The following SV2B variants were observed in gnomAD, a reference collection of about 807,000 sequenced individuals.
SV2B encodes the protein synaptic vesicle glycoprotein 2B.
A neutral mutation model predicts 73.9 loss-of-function variants in SV2B; 41 were observed. The ratio of observed to expected loss-of-function variants is 0.56; its 90% confidence interval spans 0.43 to 0.72. The LOEUF is 0.72. SV2B is among the 30% of genes least tolerant of loss of function. The probability of loss-of-function intolerance (pLI) is 0.00; values close to 1 mark genes in which losing one functional copy is unlikely to be tolerated. For missense variants in SV2B, 764 were observed against 857.8 expected (o/e 0.89, Z 1.37); for synonymous variants, 314 against 314.2 (o/e 1.00, Z 0.01).
In SV2B at chr15:91,234,880, C is replaced by T. The variant is rs1005430049; in HGVS notation, c.451+8166C>T. On this transcript the variant is annotated intron_variant, in intron 2 of 12. Transcript: ENST00000394232. This position sits in a 1 kb window ranked among gnomAD's most constrained non-coding sequence, Gnocchi z 5.6. ...GTCAGACCTTTTGAAGATACTTGCT[C>T]TGAACTGACACTAATTCCAAGAGAC... Among the ~76,000 whole-genome samples the T allele has an allele frequency of 1.3e-5, 2 of 152,206 alleles. No individual in the cohort carries two copies. The highest frequency in any genetic ancestry group is 2.9e-5 in the Non-Finnish European group (2 of 68,034).
chr15:91,253,560 A>C lies in SV2B; in HGVS notation c.784+1040A>C, dbSNP rs1045231020. Among the ~76,000 whole-genome samples the C allele has an allele frequency of 6.6e-6, 1 of 152,238 alleles. No homozygotes were observed. Among genetic ancestry groups the C allele is most frequent in the African/African-American group, 2.4e-5 (1 of 41,458 alleles). On this transcript the variant is annotated intron_variant, in intron 4 of 12. Transcript: ENST00000394232. The surrounding 1 kb of genome is among the most constrained non-coding windows in gnomAD (Gnocchi z 5.0). ...AATCTCAGTGTTTTAACACAGTGAA[A>C]GCTTCTCCCTTATGTGAGGTCCGGC...
chr15:91,264,856 C>T (rs2048046456), intron 6 of SV2B, among the ~76,000 whole-genome samples: 2 of 152,082 alleles, frequency 1.3e-5, no homozygotes, highest in South Asian at 4.1e-4. Flanking sequence ...GGTCTTATCC[C>T]AGCATGCGTG....
chr15:91,201,834 T>C (rs573912414), intron 1 of SV2B, among the ~76,000 whole-genome samples: 1 of 152,310 alleles, frequency 6.6e-6, no homozygotes, highest in South Asian at 2.1e-4. Context: ...CTGCCATGTA[T>C]GGCCTGGGTT....
intron 2 of SV2B, among the ~76,000 whole-genome samples, 160 bp from the exon 3 acceptor site, chr15:91,251,659 G>C (rs1316982636): frequency 6.6e-6 from 1 of 152,196 alleles, no homozygotes. Context: ...TATTTGTATA[G>C]CACTTCCAAT....
rs940312066 is a variant in SV2B at position 91,241,142 on chromosome 15, G to C, written c.452-10677G>C. Among the ~76,000 whole-genome samples the C allele has an allele frequency of 6.6e-6, 1 of 152,090 alleles. No individual in the cohort carries two copies. The highest frequency in any genetic ancestry group is 1.5e-5 in the Non-Finnish European group (1 of 68,010). ...TTAATAAGTGATTTCCATTATCCTG[G>C]TCTGTCGTTTCCTTAAAGTCCTCTC... On this transcript the variant is annotated intron_variant, in intron 2 of 12. Transcript: ENST00000394232. This position sits in a 1 kb window ranked among gnomAD's most constrained non-coding sequence, Gnocchi z 4.8.
chr15:91,278,551 T>C lies in SV2B; in HGVS notation c.1374-3177T>C, dbSNP rs894810881. On this transcript the variant is annotated intron_variant, in intron 9 of 12. Transcript: ENST00000394232. ...AAAATTAGCCGGGCGCGGTGGCGGGTGCCTGTAGTCCCAGCTACTCGGGAG... is the reference window on the plus strand; with the variant it reads ...AAAATTAGCCGGGCGCGGTGGCGGGCGCCTGTAGTCCCAGCTACTCGGGAG... Among the ~76,000 whole-genome samples the C allele has an allele frequency of 5.6e-4, 83 of 147,840 alleles. 1 individual carries two copies. Among genetic ancestry groups the C allele is most frequent in the African/African-American group, 3.1e-4 (12 of 38,900 alleles).
intron 1 of SV2B, among the ~76,000 whole-genome samples, chr15:91,192,818 G>A (rs764171135): frequency 6.6e-6 from 1 of 152,126 alleles, no homozygotes; most frequent in Non-Finnish European, 1.5e-5. Context: ...CAGACCTTAG[G>A]GACTGACACG....
At chr15:91,237,844 G>A (rs2141544088) in intron 2 of SV2B, among the ~76,000 whole-genome samples, 1 of 152,298 alleles carries the variant, frequency 6.6e-6, no homozygotes, top group African/African-American at 2.4e-5. Flanking sequence ...AAATGGAACT[G>A]CATTAAAAAA....
chr15:91,202,203 G>C (rs1348273471), intron 1 of SV2B, among the ~76,000 whole-genome samples: 3 of 152,150 alleles, frequency 2.0e-5, no homozygotes, highest in Non-Finnish European at 4.4e-5. Flanking sequence ...GCACTCATAT[G>C]AGATATGCAT....
rs948383310 is a variant in SV2B at position 91,229,497 on chromosome 15, G to C, written c.451+2783G>C. Among the ~76,000 whole-genome samples the C allele has an allele frequency of 6.6e-6, 1 of 152,208 alleles. No individual in the cohort carries two copies. The highest frequency in any genetic ancestry group is 1.5e-5 in the Non-Finnish European group (1 of 68,044). ...AGCTGCAGTGAGATGACGAAGCAAC[G>C]TGGCCCTGGAGCCAGTTGCTTGGAT... On this transcript the variant is annotated intron_variant, in intron 2 of 12. Transcript: ENST00000394232. The surrounding 1 kb of genome is among the most constrained non-coding windows in gnomAD (Gnocchi z 4.3).
At chr15:91,180,311 C>G (rs929222444) in intron 1 of SV2B, among the ~76,000 whole-genome samples, 3 of 152,126 alleles carry the variant, frequency 2.0e-5, no homozygotes, top group Non-Finnish European at 4.4e-5. Flanking sequence ...ACCTTTCTCT[C>G]TGGCTGCCCT....
At chr15:91,195,324 A>T (rs1354639937) in intron 1 of SV2B, among the ~76,000 whole-genome samples, 5 of 151,892 alleles carry the variant, frequency 3.3e-5, no homozygotes, top group Non-Finnish European at 7.4e-5. Context: ...TGCCCAGCTA[A>T]TTTTTTGTAA....
chr15:91,138,492 C>T (rs1290352274), intron 1 of SV2B, among the ~76,000 whole-genome samples: 12 of 152,150 alleles, frequency 7.9e-5, no homozygotes, highest in Non-Finnish European at 1.8e-4. Context: ...AACAGCAAAA[C>T]ACATTCTATG....
At position 91,123,874 on chromosome 15, in the gene SV2B, C is replaced by T. The variant is rs1401821718; in HGVS notation, c.-392+23511C>T. 3.9e-5 allele frequency among the ~76,000 whole-genome samples: 6 copies of T among 152,168 alleles called. No individual in the cohort carries two copies. The highest frequency in any genetic ancestry group is 1.4e-4 in the African/African-American group (6 of 41,430). ...GATCTCCAGGGGAGATGACCCTGGG[C>T]TCTAAGCACACTTGGTCTGTGTCCC... is the stretch of plus-strand genomic sequence containing the variant. On this transcript the variant is annotated intron_variant, in intron 1 of 12. Coordinates refer to ENST00000394232, the MANE Select transcript of SV2B (RefSeq NM_001323032.3). This position sits in a 1 kb window ranked among gnomAD's most constrained non-coding sequence, Gnocchi z 4.7.
chr15:91,207,604 A>G (rs745346927), intron 1 of SV2B, among the ~76,000 whole-genome samples: 1 of 152,168 alleles, frequency 6.6e-6, no homozygotes, highest in African/African-American at 2.4e-5. Context: ...TTCCTCACCT[A>G]TCACAAGGTT....
At chr15:91,150,357 G>C (rs573755127) in intron 1 of SV2B, among the ~76,000 whole-genome samples, 5 of 152,268 alleles carry the variant, frequency 3.3e-5, no homozygotes, top group Non-Finnish European at 5.9e-5. Context: ...GCTGTTGGTA[G>C]GGTTTGGTGT....
rs1029123925 is a variant in SV2B at position 91,124,338 on chromosome 15, C to G, written c.-392+23975C>G. Among the ~76,000 whole-genome samples the G allele has an allele frequency of 6.6e-6, 1 of 152,146 alleles. No individual in the cohort carries two copies. The highest frequency in any genetic ancestry group is 1.5e-5 in the Non-Finnish European group (1 of 68,038). On this transcript the variant is annotated intron_variant, in intron 1 of 12. Transcript: ENST00000394232. This position sits in a 1 kb window ranked among gnomAD's most constrained non-coding sequence, Gnocchi z 4.6. ...GTGAGGCACGACTTCCCAGGCAGGACTCTTGGGAGGATTGTGAAGCTAATG... is the reference window on the plus strand; with the variant it reads ...GTGAGGCACGACTTCCCAGGCAGGAGTCTTGGGAGGATTGTGAAGCTAATG...
chr15:91,180,961 G>C (rs915938386), intron 1 of SV2B, among the ~76,000 whole-genome samples: 28 of 152,350 alleles, frequency 1.8e-4, no homozygotes, highest in Admixed American at 1.7e-3. Context: ...TGGAGGAGGA[G>C]AGGCGCTCTG....
intron 1 of SV2B, among the ~76,000 whole-genome samples, chr15:91,207,185 C>CTTT (rs1228201080): frequency 0.028 from 3,506 of 126,838 alleles, 156 homozygotes; most frequent in East Asian, 0.1. Flanking sequence ...TTATGCCTGG[C>CTTT]TTTTTTTTTT....
Sources: allele counts gnomAD v4.1 joint callset (sites outside exome capture counted in the v4.1 genomes callset), GRCh38; gene constraint gnomAD v4.1.1; non-coding constraint Gnocchi (gnomAD v3.1); transcripts MANE v1.5; gene names NCBI Gene and HGNC (gene_info 2026-07-23, HGNC 2026-07-21).